RAVER2: variants seen among roughly 807,000 people sequenced by gnomAD.
RAVER2 encodes the protein ribonucleoprotein, PTB binding 2, also known as ribonucleoprotein PTB-binding 2.
In RAVER2, 46 loss-of-function variants were observed where a neutral mutation model predicts 78.1. That is an observed-to-expected ratio of 0.59 (90% CI 0.46 to 0.75). The LOEUF (loss-of-function observed/expected upper bound fraction) is 0.75, where lower values mean the gene tolerates loss of function less well. Ranked by LOEUF, RAVER2 falls within the 30% of genes least tolerant of loss-of-function variation. The pLI, the probability that RAVER2 is intolerant of heterozygous loss-of-function variation, is 0.00. For synonymous variants in RAVER2, 311 were observed against 313.3 expected (o/e 0.99, Z 0.08); for missense variants, 793 against 837.5 (o/e 0.95, Z 0.66).
At chr1:64,777,515 A>G in intron 2 of RAVER2, 108 bp from the exon 3 acceptor site, 1 of 884,094 alleles carries the variant, frequency 1.1e-6, no homozygotes, top group Non-Finnish European at 1.7e-6. Flanking sequence ...ATTTTGTTTC[A>G]GAAAAAAGGT....
At chr1:64,799,571 T>A (rs1472349290) in intron 5 of RAVER2, among the ~76,000 whole-genome samples, 1 of 152,070 alleles carries the variant, frequency 6.6e-6, no homozygotes, top group Non-Finnish European at 1.5e-5. Flanking sequence ...GCCTCCCGAG[T>A]AGCTAGGATT....
chr1:64,814,675 T>C, intron 10 of RAVER2, 29 bp from the exon 11 acceptor site: 1 of 1,305,092 alleles, frequency 7.7e-7, no homozygotes, highest in Non-Finnish European at 9.9e-7. Flanking sequence ...ATAACCTAAA[T>C]AAAATAAACT....
chr1:64,793,797 A>G (rs1195178180), intron 5 of RAVER2, among the ~76,000 whole-genome samples: 1 of 152,214 alleles, frequency 6.6e-6, no homozygotes, highest in African/African-American at 2.4e-5. Flanking sequence ...AATTGGTATA[A>G]GAGGAATCGC....
At chr1:64,790,315 C>G (rs1253505672) in intron 5 of RAVER2, among the ~76,000 whole-genome samples, 1 of 152,212 alleles carries the variant, frequency 6.6e-6, no homozygotes, top group Admixed American at 6.5e-5. Flanking sequence ...CCTGCCTTGG[C>G]TATGAATTAC....
chr1:64,823,439 T>TA (rs1653933086), intron 11 of RAVER2, among the ~76,000 whole-genome samples: 2 of 152,322 alleles, frequency 1.3e-5, no homozygotes, highest in South Asian at 4.1e-4. Context: ...ATAAATTATT[T>TA]AAAAATTTGT....
Position 64,745,477 on chromosome 1 carries a change from G to C in RAVER2, c.249+56G>C. ...CCGAGGGGCGGCGGGGCGGCGCTCC[G>C]TGTCCAGGCTGGGATCGGGGGCGCC... is the stretch of plus-strand genomic sequence containing the variant. On this transcript the variant is annotated intron_variant, in intron 1 of 11. Coordinates refer to ENST00000294428, the Ensembl canonical transcript of RAVER2. The surrounding 1 kb of genome is among the most constrained non-coding windows in gnomAD (Gnocchi z 4.3). The C allele has an allele frequency of 6.8e-7, 1 of 1,466,654 alleles. No individual in the cohort carries two copies. The highest frequency in any genetic ancestry group is 3.0e-5 in the East Asian group (1 of 33,764). The allele number at this position is 1,466,654 out of a possible 1,614,324, so 90.9% of individuals were successfully genotyped here. A position where few individuals can be genotyped will look rare whatever the true frequency, so the allele number is the denominator to read the frequency against.
intron 4 of RAVER2, among the ~76,000 whole-genome samples, chr1:64,788,966 C>G (rs906360396): frequency 1.2e-4 from 18 of 152,164 alleles, no homozygotes; most frequent in Admixed American, 3.9e-4. Context: ...GCCTCAGCCT[C>G]CCAAAGTGTC....
At chr1:64,790,631 T>G (rs1652911699) in intron 5 of RAVER2, among the ~76,000 whole-genome samples, 1 of 152,184 alleles carries the variant, frequency 6.6e-6, no homozygotes, top group South Asian at 2.1e-4. Flanking sequence ...TCCATGAAAT[T>G]ATGAAGAAGG....
intron 1 of RAVER2, among the ~76,000 whole-genome samples, chr1:64,749,695 C>T (rs2100799041): frequency 6.6e-6 from 1 of 152,288 alleles, no homozygotes; most frequent in South Asian, 2.1e-4. Flanking sequence ...AGTAATGTTG[C>T]AAATGCTGGT....
intron 5 of RAVER2, among the ~76,000 whole-genome samples, chr1:64,801,454 T>C (rs1450957039): frequency 6.6e-6 from 1 of 151,984 alleles, no homozygotes; most frequent in Admixed American, 6.5e-5. Flanking sequence ...ATTAAATTTC[T>C]AAATATATTT....
At chr1:64,814,446 A>G (rs1369400007) in intron 10 of RAVER2, among the ~76,000 whole-genome samples, 1 of 152,104 alleles carries the variant, frequency 6.6e-6, no homozygotes, top group Non-Finnish European at 1.5e-5. Flanking sequence ...TTATTTACCC[A>G]TGAGACAGGT....
Position 64,804,722 on chromosome 1 carries a change from T to A in RAVER2, c.1192-12T>A. 1 of 1,294,528 alleles carries A rather than the reference T, an allele frequency of 7.7e-7. No individual in the cohort carries two copies. Among genetic ancestry groups the A allele is most frequent in the South Asian group, 1.3e-5 (1 of 79,516 alleles). 80.2% of individuals were successfully genotyped at this position (1,294,528 alleles called of 1,614,324 possible). ...TCAAAATTAAACTGACAACGTTTTG[T>A]CATTTTCACAGAGCTCAGTTATGGG... On this transcript the variant is annotated splice_polypyrimidine_tract_variant and intron_variant, in intron 6 of 11. Transcript: ENST00000294428.
At chr1:64,807,501 T>C in intron 9 of RAVER2, 27 bp downstream of exon 9, 3 of 1,607,766 alleles carry the variant, frequency 1.9e-6, no homozygotes, top group African/African-American at 2.7e-5. Flanking sequence ...TGCACACAGA[T>C]GTATATATAC....
chr1:64,778,167 T>C, intron 3 of RAVER2, 75 bp downstream of exon 3: 1 of 1,071,864 alleles, frequency 9.3e-7, no homozygotes, highest in South Asian at 1.8e-5. Flanking sequence ...CACTCACAAA[T>C]TTATCATACC....
intron 11 of RAVER2, among the ~76,000 whole-genome samples, chr1:64,825,054 G>T (rs1049897238): frequency 1.3e-5 from 2 of 151,582 alleles, no homozygotes; most frequent in Non-Finnish European, 2.9e-5. Context: ...TAGCTGAGAG[G>T]CAAATATGAA....
exon 3 of RAVER2, chr1:64,777,738 G>A: frequency 6.2e-7 from 1 of 1,613,972 alleles, no homozygotes. Flanking sequence ...ATGCTTTGTT[G>A]TGTATTACCA....
At chr1:64,771,329 C>T (rs1314812416) in intron 2 of RAVER2, among the ~76,000 whole-genome samples, 1 of 151,882 alleles carries the variant, frequency 6.6e-6, no homozygotes, top group East Asian at 1.9e-4. Flanking sequence ...TTGAAAATAT[C>T]TTTCAAAAAC....
chr1:64,745,193 C>T lies in RAVER2; in HGVS notation c.21C>T (p.Asp7=). Residue 7 remains aspartate (D), a synonymous_variant, in exon 1 of 12, where the codon GAC becomes GAT. Coordinates refer to ENST00000294428, the Ensembl canonical transcript of RAVER2. This position sits in a 1 kb window ranked among gnomAD's most constrained non-coding sequence, Gnocchi z 4.3. ...GGAAGATGGCGGCGGCGGCGGGAGA[C>T]GGCGGCGGCGAGGGGGGCGCGGGCC... 1 of 1,024,342 alleles carries T rather than the reference C, an allele frequency of 9.8e-7. No homozygotes were observed. The highest frequency in any genetic ancestry group is 1.2e-6 in the Non-Finnish European group (1 of 857,318). 63.5% of individuals were successfully genotyped at this position (1,024,342 alleles called of 1,614,324 possible). A position where few individuals can be genotyped will look rare whatever the true frequency, so the allele number is the denominator to read the frequency against.
At chr1:64,795,905 A>G (rs1653082783) in intron 5 of RAVER2, among the ~76,000 whole-genome samples, 1 of 151,938 alleles carries the variant, frequency 6.6e-6, no homozygotes, top group African/African-American at 2.4e-5. Context: ...TTCTTTAATT[A>G]TTAAGTATTA....
Sources: allele counts gnomAD v4.1 joint callset (sites outside exome capture counted in the v4.1 genomes callset), GRCh38; gene constraint gnomAD v4.1.1; non-coding constraint Gnocchi (gnomAD v3.1); transcripts MANE v1.5; gene names NCBI Gene and HGNC (gene_info 2026-07-23, HGNC 2026-07-21).